The following EPHA6 variants were observed in gnomAD, a reference collection of about 807,000 sequenced individuals.
EPHA6 encodes the protein EPH receptor A6.
EPHA6 carries 50 observed loss-of-function variants against 112.0 expected under a neutral mutation model. The observed-to-expected ratio is 0.45, with a 90% CI of 0.36 to 0.56. The LOEUF (loss-of-function observed/expected upper bound fraction) is 0.56. EPHA6 is among the 20% of genes least tolerant of loss of function. The pLI is 0.00. For missense variants in EPHA6, 1,280 were observed against 1,417.4 expected (o/e 0.90, Z 1.56); for synonymous variants, 529 against 490.7 (o/e 1.08, Z -1.03).
chr3:97,553,281 T>C (rs1560130526), intron 11 of EPHA6, among the ~76,000 whole-genome samples: 1 of 152,082 alleles, frequency 6.6e-6, no homozygotes, highest in Non-Finnish European at 1.5e-5. Context: ...TCTCTGTTGC[T>C]TTGGGGCTTT....
intron 1 of EPHA6, among the ~76,000 whole-genome samples, chr3:96,827,780 T>G (rs544091200): frequency 1.3e-5 from 2 of 152,228 alleles, no homozygotes; most frequent in South Asian, 2.1e-4. Flanking sequence ...GAAAAAAAGA[T>G]TCTTCAACAA....
intron 11 of EPHA6, among the ~76,000 whole-genome samples, chr3:97,548,693 A>AT (rs990099646): frequency 6.6e-6 from 1 of 152,052 alleles, no homozygotes; most frequent in African/African-American, 2.4e-5. Flanking sequence ...ATTCATCCAT[A>AT]TTTTTTGTTG....
chr3:97,371,601 A>C (rs2108982592), intron 5 of EPHA6, among the ~76,000 whole-genome samples: 1 of 152,250 alleles, frequency 6.6e-6, no homozygotes, highest in East Asian at 1.9e-4. Context: ...TTGTTTAAAC[A>C]ATATGAAATC....
At chr3:96,911,872 A>T (rs1387571339) in intron 2 of EPHA6, among the ~76,000 whole-genome samples, 2 of 152,020 alleles carry the variant, frequency 1.3e-5, no homozygotes, top group African/African-American at 2.4e-5. Context: ...TACTTTTCAC[A>T]CATTTTTGAT....
At position 97,046,121 on chromosome 3, in the gene EPHA6, G is replaced by A. The variant is rs1159826470; in HGVS notation, c.1114+58128G>A. Among the ~76,000 whole-genome samples, 5 of 152,082 alleles carry A rather than the reference G, an allele frequency of 3.3e-5. No individual in the cohort carries two copies. In the South Asian group the frequency reaches 6.2e-4, roughly 19 times the overall value. On this transcript the variant is annotated intron_variant, in intron 3 of 17. Coordinates refer to ENST00000389672, the MANE Select transcript of EPHA6 (RefSeq NM_001080448.3). ...AAGCTTAACACCTACTTTACACAAGGGTAGTATAAAAAGGACAAATCAAAC... is the reference window on the plus strand; with the variant it reads ...AAGCTTAACACCTACTTTACACAAGAGTAGTATAAAAAGGACAAATCAAAC...
intron 14 of EPHA6, among the ~76,000 whole-genome samples, chr3:97,662,047 G>T (rs2094173252): frequency 6.6e-6 from 1 of 152,130 alleles, no homozygotes; most frequent in African/African-American, 2.4e-5. Context: ...ATCTGATAGG[G>T]CTTCCTTATA....
At chr3:97,263,733 C>A (rs2079577257) in intron 5 of EPHA6, among the ~76,000 whole-genome samples, 1 of 151,812 alleles carries the variant, frequency 6.6e-6, no homozygotes, top group Non-Finnish European at 1.5e-5. Flanking sequence ...TTGTAATATG[C>A]AAAGTTAAAA....
rs374494978 is a variant in EPHA6, at chr3:96,963,791, G to A, written c.451-23539G>A. ...TTTATATAAAGTAAATAACATTTGC[G>A]GTAATCAGTTTTTATAAAACTCTGG... On this transcript the variant is annotated intron_variant, in intron 2 of 17. Transcript: ENST00000389672. 3.9e-4 allele frequency among the ~76,000 whole-genome samples: 60 copies of A among 152,064 alleles called. No homozygotes were observed. In the South Asian group the frequency reaches 0.012, roughly 31 times the overall value.
intron 5 of EPHA6, among the ~76,000 whole-genome samples, chr3:97,304,465 G>A (rs1489760352): frequency 2.0e-5 from 3 of 151,928 alleles, no homozygotes; most frequent in Admixed American, 2.0e-4. Flanking sequence ...GAACAAAGCT[G>A]GAGGCATCAC....
intron 7 of EPHA6, among the ~76,000 whole-genome samples, chr3:97,470,977 A>AT (rs1381610647): frequency 1.3e-5 from 2 of 151,702 alleles, no homozygotes; most frequent in Non-Finnish European, 3.0e-5. Context: ...GATGCCACTT[A>AT]TATGAGTAAA....
chr3:97,633,180 A>G (rs927837771), intron 13 of EPHA6, among the ~76,000 whole-genome samples: 4 of 152,064 alleles, frequency 2.6e-5, no homozygotes, highest in Non-Finnish European at 4.4e-5. Flanking sequence ...TTTTAGAAAC[A>G]GCAGGCATTA....
intron 2 of EPHA6, among the ~76,000 whole-genome samples, chr3:96,946,448 G>A (rs1054993399): frequency 6.6e-6 from 1 of 151,802 alleles, no homozygotes; most frequent in African/African-American, 2.4e-5. Flanking sequence ...TCTTGTGATA[G>A]TTTGCTGAGA....
At chr3:97,137,010 G>A (rs2108342279) in intron 3 of EPHA6, among the ~76,000 whole-genome samples, 1 of 151,936 alleles carries the variant, frequency 6.6e-6, no homozygotes, top group Admixed American at 6.6e-5. Context: ...ACCATCAAAA[G>A]AATTTCTACA....
intron 3 of EPHA6, among the ~76,000 whole-genome samples, chr3:97,154,372 A>G (rs923384567): frequency 1.3e-5 from 2 of 152,154 alleles, no homozygotes; most frequent in Non-Finnish European, 2.9e-5. Context: ...AATAATAATT[A>G]TATATACTTG....
At chr3:96,940,380 GTTAGT>G (rs1452387962) in intron 2 of EPHA6, among the ~76,000 whole-genome samples, 3 of 152,058 alleles carry the variant, frequency 2.0e-5, no homozygotes, top group Non-Finnish European at 2.9e-5. Context: ...TTTTATCTTT[GTTAGT>G]TTAAAGTCTG....
At chr3:97,625,177 T>G (rs1410067620) in intron 13 of EPHA6, among the ~76,000 whole-genome samples, 2 of 151,630 alleles carry the variant, frequency 1.3e-5, no homozygotes, top group Non-Finnish European at 3.0e-5. Context: ...CAGACATTTA[T>G]AGCCACAAAT....
chr3:97,239,720 G>GGAGGCA (rs2078786227), intron 4 of EPHA6, among the ~76,000 whole-genome samples: 1 of 151,774 alleles, frequency 6.6e-6, no homozygotes, highest in Admixed American at 6.6e-5. Flanking sequence ...CTGTCTCAGG[G>GGAGGCA]GAGGCAGAGG....
At chr3:96,908,165 G>A (rs1390440349) in intron 2 of EPHA6, among the ~76,000 whole-genome samples, 1 of 151,908 alleles carries the variant, frequency 6.6e-6, no homozygotes, top group East Asian at 1.9e-4. Flanking sequence ...AATGTAAAAT[G>A]GTATACCTGC....
At chr3:96,940,507 G>A (rs1057459644) in intron 2 of EPHA6, among the ~76,000 whole-genome samples, 2 of 152,138 alleles carry the variant, frequency 1.3e-5, no homozygotes, top group African/African-American at 4.8e-5. Context: ...CACGTGAGAT[G>A]GGTTTCCTGA....
Sources: allele counts gnomAD v4.1 joint callset (sites outside exome capture counted in the v4.1 genomes callset), GRCh38; gene constraint gnomAD v4.1.1; transcripts MANE v1.5; gene names NCBI Gene and HGNC (gene_info 2026-07-23, HGNC 2026-07-21).